Variants in HS6ST3 observed in about 807,000 individuals in gnomAD.
HS6ST3 encodes the protein heparan sulfate 6-O-sulfotransferase 3, also known as heparan-sulfate 6-O-sulfotransferase 3.
In HS6ST3, 12 loss-of-function variants were observed where a neutral mutation model predicts 36.7. The observed-to-expected ratio is 0.33, with a 90% confidence interval of 0.21 to 0.53. HS6ST3 has a LOEUF of 0.53. HS6ST3 is among the 20% of genes least tolerant of loss of function. The pLI is 0.95. For synonymous variants in HS6ST3, 240 were observed against 257.5 expected, an observed-to-expected ratio of 0.93 and a Z score of 0.65; for missense variants, 584 against 640.9, an observed-to-expected ratio of 0.91 and a Z score of 0.96.
intron 1 of HS6ST3, among the ~76,000 whole-genome samples, chr13:96,454,481 A>G (rs2055745191): frequency 6.6e-6 from 1 of 152,150 alleles, no homozygotes; most frequent in African/African-American, 2.4e-5. Context: ...TCCAATTACC[A>G]TGCGGCACAA....
intron 1 of HS6ST3, among the ~76,000 whole-genome samples, chr13:96,179,316 A>G (rs2054227631): frequency 6.6e-6 from 1 of 152,198 alleles, no homozygotes; most frequent in Non-Finnish European, 1.5e-5. Flanking sequence ...CAGCAAAAAC[A>G]TCAGCAAACT....
chr13:96,108,805 A>G (rs1297349165), intron 1 of HS6ST3, among the ~76,000 whole-genome samples: 1 of 152,210 alleles, frequency 6.6e-6, no homozygotes, highest in African/African-American at 2.4e-5. Flanking sequence ...AGTTAAAGAA[A>G]GCATTGGAAG....
chr13:96,646,380 C>A (rs2056588651), intron 1 of HS6ST3, among the ~76,000 whole-genome samples: 1 of 151,914 alleles, frequency 6.6e-6, no homozygotes, highest in Non-Finnish European at 1.5e-5. Context: ...ACAGAGTCAT[C>A]CAAACAAGGT....
At chr13:96,169,463 A>G (rs1758586834) in intron 1 of HS6ST3, 1 of 152,480 alleles carries the variant, frequency 6.6e-6, no homozygotes, top group African/African-American at 2.4e-5. Context: ...GCAAGTGTAT[A>G]ACCCATCACG....
chr13:96,231,331 A>G (rs72642941), intron 1 of HS6ST3, among the ~76,000 whole-genome samples: 117 of 152,324 alleles, frequency 7.7e-4, no homozygotes, highest in Non-Finnish European at 1.3e-3. Context: ...GTATTAGTCC[A>G]TTCTCACACT....
chr13:96,393,883 G>A (rs1316161001), intron 1 of HS6ST3, among the ~76,000 whole-genome samples: 1 of 152,138 alleles, frequency 6.6e-6, no homozygotes, highest in Non-Finnish European at 1.5e-5. Flanking sequence ...AACTACCCCA[G>A]TATTTATTCT....
intron 1 of HS6ST3, among the ~76,000 whole-genome samples, chr13:96,621,582 C>T (rs550239680): frequency 1.1e-4 from 17 of 152,228 alleles, no homozygotes; most frequent in African/African-American, 4.1e-4. Flanking sequence ...AACCTCTTTC[C>T]CTTTCTCTCC....
intron 1 of HS6ST3, among the ~76,000 whole-genome samples, chr13:96,502,412 C>A (rs1380655625): frequency 7.0e-6 from 1 of 143,156 alleles, no homozygotes; most frequent in Non-Finnish European, 1.5e-5. Flanking sequence ...GGGAACAGAT[C>A]ACAAGTTCTG....
intron 1 of HS6ST3, among the ~76,000 whole-genome samples, chr13:96,576,499 A>G (rs2056321762): frequency 6.6e-6 from 1 of 152,210 alleles, no homozygotes; most frequent in African/African-American, 2.4e-5. Context: ...TTACTGTGCA[A>G]GTGTTCTAGG....
intron 1 of HS6ST3, among the ~76,000 whole-genome samples, chr13:96,702,556 C>CT (rs1486996225): frequency 6.6e-6 from 1 of 152,206 alleles, no homozygotes; most frequent in African/African-American, 2.4e-5. Flanking sequence ...GGATCATCTA[C>CT]TTTTTTCTTG....
At chr13:96,650,928 A>C (rs991327090) in intron 1 of HS6ST3, among the ~76,000 whole-genome samples, 1 of 152,082 alleles carries the variant, frequency 6.6e-6, no homozygotes. Flanking sequence ...ATACTACATC[A>C]CAGAAATAGC....
intron 1 of HS6ST3, among the ~76,000 whole-genome samples, chr13:96,319,993 G>A (rs961003220): frequency 6.6e-6 from 1 of 152,122 alleles, no homozygotes; most frequent in Non-Finnish European, 1.5e-5. Flanking sequence ...TTGTTCGTAC[G>A]TGATTCAATG....
intron 1 of HS6ST3, among the ~76,000 whole-genome samples, chr13:96,136,801 G>A (rs1296949973): frequency 1.3e-5 from 2 of 150,584 alleles, no homozygotes; most frequent in Non-Finnish European, 1.5e-5. Context: ...ATTTGCATTT[G>A]CAATGAGTTT....
chr13:96,587,083 T>C (rs1008183072), intron 1 of HS6ST3, among the ~76,000 whole-genome samples: 2 of 152,188 alleles, frequency 1.3e-5, no homozygotes, highest in African/African-American at 2.4e-5. Context: ...AGAACCTTTG[T>C]TGAAAGTCAG....
intron 1 of HS6ST3, among the ~76,000 whole-genome samples, chr13:96,344,356 T>C (rs928186600): frequency 3.3e-5 from 5 of 152,212 alleles, no homozygotes; most frequent in Admixed American, 1.3e-4. Flanking sequence ...AAGGGGATGC[T>C]TGTATATCTT....
At chr13:96,771,306 G>GAT (rs926809459) in intron 1 of HS6ST3, among the ~76,000 whole-genome samples, 2 of 150,906 alleles carry the variant, frequency 1.3e-5, no homozygotes, top group African/African-American at 4.9e-5. Flanking sequence ...AGCATTAGGA[G>GAT]ATATACCTAA....
intron 1 of HS6ST3, among the ~76,000 whole-genome samples, chr13:96,359,544 G>C (rs748012290): frequency 2.0e-5 from 3 of 152,074 alleles, no homozygotes; most frequent in Non-Finnish European, 4.4e-5. Flanking sequence ...CATTTATTAT[G>C]GTTTCAAATT....
intron 1 of HS6ST3, among the ~76,000 whole-genome samples, chr13:96,163,109 AGTT>A (rs765085463): frequency 2.0e-5 from 3 of 151,154 alleles, no homozygotes; most frequent in Admixed American, 2.0e-4. Context: ...GATTTTATAG[AGTT>A]GTTCTTTTGT....
At chr13:96,391,281 T>A (rs570503983) in intron 1 of HS6ST3, among the ~76,000 whole-genome samples, 14 of 152,322 alleles carry the variant, frequency 9.2e-5, no homozygotes, top group African/African-American at 3.4e-4. Context: ...TTCCCATTAC[T>A]TTTTGCTTTG....
Sources: allele counts gnomAD v4.1 joint callset (sites outside exome capture counted in the v4.1 genomes callset), GRCh38; gene constraint gnomAD v4.1.1; transcripts MANE v1.5; gene names NCBI Gene and HGNC (gene_info 2026-07-23, HGNC 2026-07-21).